The following MYO18B variants were observed in gnomAD, a reference collection of about 807,000 sequenced individuals.
MYO18B encodes the protein myosin XVIIIB.
MYO18B carries 204 observed loss-of-function variants against 273.0 expected under a neutral mutation model. That is an observed-to-expected ratio of 0.75 (90% confidence interval 0.67 to 0.84). The LOEUF (loss-of-function observed/expected upper bound fraction) is 0.84. Among genes scored for constraint, MYO18B ranks in the 40% least tolerant of loss-of-function variants. The pLI, the probability that MYO18B is intolerant of heterozygous loss-of-function variation, is 0.00. For synonymous variants in MYO18B, 1,330 were observed against 1,305.7 expected (o/e 1.02, Z -0.40); for missense variants, 3,212 against 3,287.6 (o/e 0.98, Z 0.56).
chr22:25,773,166 A>G (rs1173417913), intron 7 of MYO18B, among the ~76,000 whole-genome samples: 2 of 152,192 alleles, frequency 1.3e-5, no homozygotes, highest in Non-Finnish European at 2.9e-5. Flanking sequence ...GAGTCATTGA[A>G]GCGTGGGCCC....
chr22:25,811,917 C>T (rs2088779482), intron 12 of MYO18B, among the ~76,000 whole-genome samples: 2 of 152,178 alleles, frequency 1.3e-5, no homozygotes, highest in Admixed American at 1.3e-4. Flanking sequence ...ATGAACCCAC[C>T]CAATTCACCT....
At chr22:25,957,739 C>T (rs191349735) in intron 39 of MYO18B, among the ~76,000 whole-genome samples, 42 of 152,226 alleles carry the variant, frequency 2.8e-4, no homozygotes. Flanking sequence ...TGGTTTGCGG[C>T]TGCCTCAGTG....
intron 22 of MYO18B, among the ~76,000 whole-genome samples, chr22:25,873,505 A>G (rs1197405323): frequency 6.6e-6 from 1 of 152,096 alleles, no homozygotes; most frequent in Non-Finnish European, 1.5e-5. Context: ...CAATGGCACT[A>G]TCTTGGCTCA....
intron 21 of MYO18B, among the ~76,000 whole-genome samples, chr22:25,860,798 A>T (rs1359375300): frequency 9.2e-5 from 14 of 152,166 alleles, no homozygotes; most frequent in Admixed American, 9.2e-4. Flanking sequence ...CTTATAAAAA[A>T]CATGTATTCT....
intron 1 of MYO18B, among the ~76,000 whole-genome samples, chr22:25,744,584 A>C (rs1461074633): frequency 6.6e-6 from 1 of 152,072 alleles, no homozygotes; most frequent in Non-Finnish European, 1.5e-5. Context: ...ACAAAAAAAA[A>C]TTAGCCGGGC....
chr22:25,867,829 C>G (rs1027202786), intron 21 of MYO18B, among the ~76,000 whole-genome samples: 1 of 152,094 alleles, frequency 6.6e-6, no homozygotes, highest in African/African-American at 2.4e-5. Context: ...GACGGGGCTT[C>G]ACCATGTTAG....
the MYO18B span, among the ~76,000 whole-genome samples, chr22:26,058,621 G>A: frequency 9.9e-5 from 15 of 152,258 alleles, no homozygotes; most frequent in Admixed American, 5.2e-4. Context: ...ATGGCTTTGC[G>A]CTGTCCTCAT....
At chr22:25,917,548 GTGTGTGTGTGTGTGTGT>G (rs2092280352) in intron 33 of MYO18B, among the ~76,000 whole-genome samples, 1 of 144,826 alleles carries the variant, frequency 6.9e-6, no homozygotes, top group Non-Finnish European at 1.5e-5. Flanking sequence ...TTGTAGGGGT[GTGTGTGTGTGTGTGTGT>G]GTGTGTGTGT....
intron 34 of MYO18B, among the ~76,000 whole-genome samples, chr22:25,945,732 G>A (rs552570471): frequency 3.3e-3 from 9 of 2,738 alleles, no homozygotes; most frequent in African/African-American, 7.8e-3. Context: ...CCCTCCCCTC[G>A]CCTCCCCTCG....
intron 11 of MYO18B, among the ~76,000 whole-genome samples, chr22:25,786,053 T>C (rs955368377): frequency 6.6e-6 from 1 of 152,156 alleles, no homozygotes; most frequent in East Asian, 1.9e-4. Context: ...AAAAAGCAAA[T>C]GGTTCACTGG....
intron 12 of MYO18B, among the ~76,000 whole-genome samples, chr22:25,802,277 A>G (rs1198378763): frequency 2.0e-5 from 3 of 152,182 alleles, no homozygotes; most frequent in African/African-American, 7.2e-5. Context: ...GGGAGAGGGC[A>G]GAGACTCCTG....
At chr22:25,996,011 TA>T (rs1305306941) in intron 40 of MYO18B, among the ~76,000 whole-genome samples, 2 of 152,190 alleles carry the variant, frequency 1.3e-5, no homozygotes, top group Non-Finnish European at 2.9e-5. Context: ...CTTGTGCCTG[TA>T]CCTGGAAAAG....
At position 25,761,277 on chromosome 22, in the gene MYO18B, C is replaced by G. The variant is rs532691484; in HGVS notation, c.39+146C>G. On this transcript the variant is annotated intron_variant, in intron 2 of 43. Coordinates refer to ENST00000335473, the MANE Select transcript of MYO18B (RefSeq NM_032608.7). ...TGTGCAATCCCACCTTCAACCTTCT[C>G]CCAGCCAGCTCGGTTAGCCTTGGCC... is the stretch of plus-strand genomic sequence containing the variant. 1.1e-4 allele frequency: 102 copies of G among 931,166 alleles called. No individual in the cohort carries two copies. The African/African-American group carries it at 1.4e-3, about 13-fold the overall frequency. The allele number at this position is 931,166 out of a possible 1,614,324, so 57.7% of individuals were successfully genotyped here. A position where few individuals can be genotyped will look rare whatever the true frequency, so the allele number is the denominator to read the frequency against.
intron 39 of MYO18B, among the ~76,000 whole-genome samples, chr22:25,987,450 T>TATGTA (rs764122437): frequency 4.4e-4 from 67 of 152,220 alleles, no homozygotes; most frequent in Non-Finnish European, 8.2e-4. Context: ...ATTATTGTAC[T>TATGTA]GATCTCTGTA....
chr22:26,035,240 C>T (rs1029109353), downstream of MYO18B, among the ~76,000 whole-genome samples: 8 of 152,186 alleles, frequency 5.3e-5, no homozygotes, highest in Admixed American at 2.6e-4. Flanking sequence ...CCAAGAGTGT[C>T]CAAACCAAAA....
chr22:25,835,458 G>C lies in MYO18B; in HGVS notation c.3208+15G>C. On this transcript the variant is annotated intron_variant, in intron 17 of 43. Transcript: ENST00000335473. Reference sequence around the variant, plus strand: ...TGGGACTGAAGGTAAGGAAGCAGGGGGCTGGGGATGGGGCCTGAGTCCAGC... The same window carrying C: ...TGGGACTGAAGGTAAGGAAGCAGGGCGCTGGGGATGGGGCCTGAGTCCAGC... 1 of 1,613,378 alleles carries C rather than the reference G, an allele frequency of 6.2e-7. No individual in the cohort carries two copies. Among genetic ancestry groups the C allele is most frequent in the African/African-American group, 1.3e-5 (1 of 75,028 alleles).
At chr22:25,829,942 A>G (rs2089647377) in intron 15 of MYO18B, among the ~76,000 whole-genome samples, 1 of 152,176 alleles carries the variant, frequency 6.6e-6, no homozygotes, top group Non-Finnish European at 1.5e-5. Flanking sequence ...CCAAATGAAC[A>G]TACGTGTGTC....
At chr22:25,776,241 T>C (rs749718931) in intron 7 of MYO18B, among the ~76,000 whole-genome samples, 4 of 152,368 alleles carry the variant, frequency 2.6e-5, no homozygotes, top group Non-Finnish European at 5.9e-5. Flanking sequence ...TTTTATTTCA[T>C]TGATGCACTA....
chr22:26,056,136 C>T, the MYO18B span, among the ~76,000 whole-genome samples: 4 of 152,094 alleles, frequency 2.6e-5, no homozygotes, highest in African/African-American at 9.7e-5. Flanking sequence ...TTCTGTCCTC[C>T]AACAAATATA....
Sources: gnomAD v4.1 joint callset for allele counts (sites outside exome capture counted in the v4.1 genomes callset) on GRCh38, gnomAD v4.1.1 for gene constraint, MANE v1.5 for transcripts, NCBI Gene and HGNC (gene_info 2026-07-23, HGNC 2026-07-21) for gene names.